BIN1: variants seen among roughly 807,000 people sequenced by gnomAD.
BIN1 encodes bridging integrator 1.
BIN1 carries 53 observed loss-of-function variants against 82.0 expected under a neutral mutation model. The ratio of observed to expected loss-of-function variants is 0.65; its 90% CI spans 0.52 to 0.81. BIN1 has a LOEUF of 0.81. BIN1 is among the 40% of genes least tolerant of loss of function. BIN1 has a pLI of 0.00. For missense variants in BIN1, 642 were observed against 784.4 expected (o/e 0.82, Z 2.17); for synonymous variants, 302 against 328.0 (o/e 0.92, Z 0.86).
chr2:127,048,655 C>T (rs373804945), intron 18 of BIN1, 22 bp from the exon 19 acceptor site: 168 of 1,610,112 alleles, frequency 1.0e-4, no homozygotes, highest in Non-Finnish European at 1.3e-4. Flanking sequence ...AGCACCAGGT[C>T]GCACAGGGAT....
chr2:127,057,528 A>G lies in BIN1; in HGVS notation c.1076T>C (p.Leu359Pro). The part of the protein sequence containing the change: ...PSKEVKQEQI[L>P]SLFEDTFVPE... ...GACAAACGTGTCCTCAAACAGGCTG[A>G]GGATCTGCTCCTGCTTGACTTCCTT... Residue 359 changes from leucine (L) to proline (P), a missense_variant, in exon 12 of 19, where the codon CTC becomes CCC. By Grantham distance (98) the Leu-to-Pro change is moderately conservative (BLOSUM62 -3). Coordinates refer to ENST00000316724, the MANE Select transcript of BIN1 (RefSeq NM_139343.3). The surrounding 1 kb of genome is among the most constrained non-coding windows in gnomAD (Gnocchi z 5.0). 1 of 1,546,792 alleles carries G rather than the reference A, an allele frequency of 6.5e-7. No individual in the cohort carries two copies. The highest frequency in any genetic ancestry group is 8.7e-7 in the Non-Finnish European group (1 of 1,143,600).
intron 1 of BIN1, among the ~76,000 whole-genome samples, chr2:127,087,445 G>A (rs1319450402): frequency 2.6e-5 from 4 of 152,234 alleles, no homozygotes; most frequent in Non-Finnish European, 5.9e-5. Context: ...ATAAGCCTAT[G>A]GCCTGCAGCC....
chr2:127,100,931 C>A (rs1160543562), intron 1 of BIN1, among the ~76,000 whole-genome samples: 1 of 147,628 alleles, frequency 6.8e-6, no homozygotes, highest in Non-Finnish European at 1.5e-5. Flanking sequence ...GAGATCATGA[C>A]CCCTGTTTCA....
At chr2:127,092,338 G>A (rs546607078) in intron 1 of BIN1, among the ~76,000 whole-genome samples, 1 of 152,198 alleles carries the variant, frequency 6.6e-6, no homozygotes. Flanking sequence ...GCACACAGTG[G>A]GACAGAAGTG....
At position 127,059,169 on chromosome 2, in the gene BIN1, C is replaced by T. The variant is rs1262302079; in HGVS notation, c.858-14G>A. 3 of 1,563,684 alleles carry T rather than the reference C, an allele frequency of 1.9e-6. No homozygotes were observed. In the African/African-American group the frequency reaches 4.1e-5, roughly 21 times the overall value. On this transcript the variant is annotated splice_polypyrimidine_tract_variant and intron_variant, in intron 10 of 18. Coordinates refer to ENST00000316724, the MANE Select transcript of BIN1 (RefSeq NM_139343.3). This position sits in a 1 kb window ranked among gnomAD's most constrained non-coding sequence, Gnocchi z 6.7. Reference sequence around the variant, plus strand: ...GGCGCGTTGTCACTGTGGGGGAGGACAAGAAAGGGAGCCCAGTGTTGGGGG... The same window carrying T: ...GGCGCGTTGTCACTGTGGGGGAGGATAAGAAAGGGAGCCCAGTGTTGGGGG...
At chr2:127,063,911 T>C in intron 8 of BIN1, 22 bp downstream of exon 8, 6 of 1,612,964 alleles carry the variant, frequency 3.7e-6, no homozygotes, top group Non-Finnish European at 5.1e-6. Context: ...CCACGCAGGC[T>C]GGGCACCGTG....
chr2:127,050,313 C>T (rs943961294), intron 18 of BIN1, 108 bp downstream of exon 18: 32 of 1,203,106 alleles, frequency 2.7e-5, no homozygotes, highest in East Asian at 4.9e-5. Context: ...CCCTGGTGCT[C>T]GCGGGCCTCT....
Position 127,082,098 on chromosome 2 carries a change from C to T in BIN1, c.85-5392G>A, listed in dbSNP as rs553256308. On this transcript the variant is annotated intron_variant, in intron 1 of 18. Coordinates refer to ENST00000316724, the MANE Select transcript of BIN1 (RefSeq NM_139343.3). This position sits in a 1 kb window ranked among gnomAD's most constrained non-coding sequence, Gnocchi z 6.1. ...GTCCCGAGGGAGACACCCCAAGAGG[C>T]GAAAGGGAGGAGGGCCCCTAGAACA... Among the ~76,000 whole-genome samples, 6 of 152,274 alleles carry T rather than the reference C, an allele frequency of 3.9e-5. No homozygotes were observed. Among genetic ancestry groups the T allele is most frequent in the East Asian group, 3.9e-4 (2 of 5,170 alleles).
chr2:127,076,772 C>T, intron 1 of BIN1, 66 bp from the exon 2 acceptor site: 2 of 1,568,622 alleles, frequency 1.3e-6, no homozygotes, highest in South Asian at 1.1e-5. Context: ...ACCAAGAGTG[C>T]TCAGTCACCA....
intron 2 of BIN1, among the ~76,000 whole-genome samples, chr2:127,073,049 T>C (rs1208758599): frequency 1.3e-5 from 2 of 152,136 alleles, no homozygotes; most frequent in African/African-American, 4.8e-5. Context: ...GGGGTCCCCA[T>C]GGGGTGGGTC....
intron 1 of BIN1, among the ~76,000 whole-genome samples, chr2:127,077,316 CCACACACA>C (rs10573582): frequency 1.3e-5 from 2 of 150,294 alleles, no homozygotes; most frequent in Non-Finnish European, 3.0e-5. Context: ...TCTGCACAGC[CCACACACA>C]CACACACACA....
intron 7 of BIN1, among the ~76,000 whole-genome samples, chr2:127,066,194 A>T (rs1325790434): frequency 6.6e-6 from 1 of 152,070 alleles, no homozygotes; most frequent in Non-Finnish European, 1.5e-5. Flanking sequence ...CCCACAGGCC[A>T]CTCCAAAGGC....
intron 2 of BIN1, among the ~76,000 whole-genome samples, chr2:127,076,310 GC>G (rs1167384306): frequency 6.6e-6 from 1 of 151,996 alleles, no homozygotes; most frequent in Non-Finnish European, 1.5e-5. Flanking sequence ...GCTCCCACTT[GC>G]CCCTGACATG....
At chr2:127,105,509 G>A (rs1347654757) in intron 1 of BIN1, among the ~76,000 whole-genome samples, 9 of 128,718 alleles carry the variant, frequency 7.0e-5, no homozygotes, top group African/African-American at 2.5e-4. Flanking sequence ...CTCCTTCCCT[G>A]GGGTGGGGGG....
Position 127,066,256 on chromosome 2 carries a change from C to T in BIN1, c.612+1907G>A, listed in dbSNP as rs150889517. Among the ~76,000 whole-genome samples, 601 of 152,298 alleles carry T rather than the reference C, an allele frequency of 3.9e-3. 2 individuals carry two copies. Among genetic ancestry groups the T allele is most frequent in the Non-Finnish European group, 6.3e-3 (430 of 68,034 alleles). ...GGGCTGGGGACAAGGAGGATGTGCT[C>T]AAATAAAGATGGGACCCAAATGGGA... On this transcript the variant is annotated intron_variant, in intron 7 of 18. Coordinates refer to ENST00000316724, the MANE Select transcript of BIN1 (RefSeq NM_139343.3).
In BIN1 at chr2:127,082,254, T is replaced by C. The variant is rs1687394755; in HGVS notation, c.85-5548A>G. Reference sequence around the variant, plus strand: ...TCCTCCGTCGTCTCCCACACACAGCTCGGGTCAGCCAAGCTGGGGAGCTGT... The same window carrying C: ...TCCTCCGTCGTCTCCCACACACAGCCCGGGTCAGCCAAGCTGGGGAGCTGT... On this transcript the variant is annotated intron_variant, in intron 1 of 18. Coordinates refer to ENST00000316724, the MANE Select transcript of BIN1 (RefSeq NM_139343.3). This position sits in a 1 kb window ranked among gnomAD's most constrained non-coding sequence, Gnocchi z 6.1. Among the ~76,000 whole-genome samples the C allele has an allele frequency of 6.6e-6, 1 of 150,736 alleles. No homozygotes were observed. Among genetic ancestry groups the C allele is most frequent in the Non-Finnish European group, 1.5e-5 (1 of 67,752 alleles).
intron 1 of BIN1, among the ~76,000 whole-genome samples, chr2:127,081,180 A>G (rs1407915759): frequency 6.6e-6 from 1 of 152,204 alleles, no homozygotes; most frequent in Non-Finnish European, 1.5e-5. Context: ...CGAACCCAGA[A>G]GGAGGAAGGG....
chr2:127,060,551 AGGGCGC>A (rs1309928104), intron 10 of BIN1: 2 of 1,612,924 alleles, frequency 1.2e-6, no homozygotes, highest in African/African-American at 2.7e-5. Context: ...AGGGCCAGCC[AGGGCGC>A]GGGCCTCTGC....
At chr2:127,098,428 A>G (rs1679879399) in intron 1 of BIN1, among the ~76,000 whole-genome samples, 1 of 152,150 alleles carries the variant, frequency 6.6e-6, no homozygotes, top group Non-Finnish European at 1.5e-5. Context: ...ATGTCTGCAG[A>G]CTGGAGGCAG....
Sources: allele counts gnomAD v4.1 joint callset (sites outside exome capture counted in the v4.1 genomes callset), GRCh38; gene constraint gnomAD v4.1.1; non-coding constraint Gnocchi (gnomAD v3.1); transcripts MANE v1.5; gene names NCBI Gene and HGNC (gene_info 2026-07-23, HGNC 2026-07-21).